Variants in SLC2A9 observed in about 807,000 individuals in gnomAD.
The protein encoded by SLC2A9 is solute carrier family 2, facilitated glucose transporter member 9.
SLC2A9 carries 39 observed loss-of-function variants against 50.6 expected under a neutral mutation model. That is an observed-to-expected ratio of 0.77 (90% CI 0.60 to 1.01). The LOEUF is 1.01. SLC2A9 is among the 50% of genes least tolerant of loss of function. The pLI is 0.00. For synonymous variants in SLC2A9, 324 were observed against 276.9 expected (o/e 1.17, Z -1.69); for missense variants, 686 against 677.6 (o/e 1.01, Z -0.14).
Position 9,996,864 on chromosome 4 carries a change from G to C in SLC2A9, c.327C>G (p.Leu109=). Reference sequence around the variant, plus strand: ...CGAATATGGACACAGTCACAGACCAGAGCAAAGTCAGAGTGTCTGGGTCTA... The same window carrying C: ...CGAATATGGACACAGTCACAGACCACAGCAAAGTCAGAGTGTCTGGGTCTA... ...RPIDPDTLTL[L]WSVTVSIFAI... is the part of the protein sequence containing the mutation. Residue 109 remains leucine, a synonymous_variant, in exon 3 of 12, where the codon CTC becomes CTG. Transcript: ENST00000264784. 6.2e-7 allele frequency: 1 copy of C among 1,614,206 alleles called. No homozygotes were observed. Among genetic ancestry groups the C allele is most frequent in the South Asian group, 1.1e-5 (1 of 91,082 alleles).
intron 3 of SLC2A9, among the ~76,000 whole-genome samples, chr4:9,790,652 C>T (rs559720145): frequency 9.2e-5 from 14 of 152,266 alleles, no homozygotes; most frequent in Middle Eastern, 3.4e-3. Flanking sequence ...TGGGTCTCTC[C>T]GTAGCCCCTA....
intron 3 of SLC2A9, among the ~76,000 whole-genome samples, chr4:9,786,115 T>C (rs757437795): frequency 6.6e-6 from 1 of 152,186 alleles, no homozygotes; most frequent in Non-Finnish European, 1.5e-5. Context: ...AAGAGCGTCA[T>C]AGGATTAATG....
chr4:9,821,171 A>G (rs1307577037), intron 3 of SLC2A9, among the ~76,000 whole-genome samples: 2 of 152,188 alleles, frequency 1.3e-5, no homozygotes. Context: ...TTTCCCCTGT[A>G]TCTATTGATA....
chr4:9,775,889 C>G (rs1717487941), downstream of SLC2A9, among the ~76,000 whole-genome samples: 1 of 152,226 alleles, frequency 6.6e-6, no homozygotes, highest in Admixed American at 6.5e-5. Flanking sequence ...TGGGCCTTCT[C>G]CATCTGTAGC....
chr4:9,915,476 T>A (rs1396843805), intron 7 of SLC2A9, among the ~76,000 whole-genome samples: 1 of 152,232 alleles, frequency 6.6e-6, no homozygotes, highest in Non-Finnish European at 1.5e-5. Flanking sequence ...CCTCAAGTGA[T>A]CTGCCCACCC....
intron 2 of SLC2A9, among the ~76,000 whole-genome samples, chr4:10,003,592 CGTT>C (rs1760247677): frequency 6.6e-6 from 1 of 152,144 alleles, no homozygotes; most frequent in South Asian, 2.1e-4. Flanking sequence ...GGCAACTGAA[CGTT>C]TGTCTTCCAG....
downstream of SLC2A9, among the ~76,000 whole-genome samples, chr4:9,824,723 G>A (rs1284546689): frequency 6.6e-6 from 1 of 152,138 alleles, no homozygotes; most frequent in Non-Finnish European, 1.5e-5. Flanking sequence ...CCTTGTCTAT[G>A]ATAGGTACCT....
At chr4:10,038,493 T>C (rs1259219517) in intron 1 of SLC2A9, among the ~76,000 whole-genome samples, 1 of 96,928 alleles carries the variant, frequency 1.0e-5, no homozygotes, top group Non-Finnish European at 1.8e-5. Flanking sequence ...GGTGACAGAG[T>C]AAGACTCTGT....
In SLC2A9 at chr4:10,039,027, T is replaced by C. The variant is rs373750598; in HGVS notation, c.-41+1103A>G. Among the ~76,000 whole-genome samples, 4 of 152,340 alleles carry C rather than the reference T, an allele frequency of 2.6e-5. No homozygotes were observed. In the South Asian group the frequency reaches 6.2e-4, roughly 24 times the overall value. On this transcript the variant is annotated intron_variant, in intron 1 of 12. Transcript: ENST00000309065. ...ACAATGGTTAAACAGATGTGCATGATTGTGTTCCAGTAAAGCTTTATTTTA... is the reference window on the plus strand; with the variant it reads ...ACAATGGTTAAACAGATGTGCATGACTGTGTTCCAGTAAAGCTTTATTTTA...
intron 5 of SLC2A9, among the ~76,000 whole-genome samples, chr4:9,972,416 C>T (rs890714295): frequency 2.0e-5 from 3 of 152,150 alleles, no homozygotes; most frequent in Non-Finnish European, 4.4e-5. Flanking sequence ...AAATGTTCAG[C>T]CATGACAATT....
intron 1 of SLC2A9, among the ~76,000 whole-genome samples, chr4:9,772,750 G>T (rs572492260): frequency 2.0e-5 from 3 of 152,154 alleles, no homozygotes; most frequent in Admixed American, 1.3e-4. Context: ...TTGCACTTTT[G>T]TAAGTACAGC....
chr4:9,968,740 A>G (rs921095759), intron 5 of SLC2A9, among the ~76,000 whole-genome samples: 12 of 152,224 alleles, frequency 7.9e-5, no homozygotes, highest in Admixed American at 5.2e-4. Flanking sequence ...AGGTGAACCA[A>G]TCACATAGAA....
chr4:9,948,120 A>AC (rs981407513), intron 5 of SLC2A9, among the ~76,000 whole-genome samples: 6 of 147,934 alleles, frequency 4.1e-5, no homozygotes, highest in Admixed American at 6.7e-5. Flanking sequence ...TCTAAACACC[A>AC]CCCCCCCACC....
intron 3 of SLC2A9, among the ~76,000 whole-genome samples, chr4:9,800,547 C>T (rs1012965828): frequency 1.3e-5 from 2 of 152,178 alleles, no homozygotes; most frequent in Non-Finnish European, 2.9e-5. Context: ...GACATCTATC[C>T]TCCAGAATTG....
At chr4:10,001,491 T>C (rs963353774) in intron 2 of SLC2A9, among the ~76,000 whole-genome samples, 1 of 152,204 alleles carries the variant, frequency 6.6e-6, no homozygotes, top group Non-Finnish European at 1.5e-5. Context: ...TCTAGAACTA[T>C]GGAATAACAC....
intron 5 of SLC2A9, among the ~76,000 whole-genome samples, chr4:9,965,176 T>C (rs1312759645): frequency 6.6e-6 from 1 of 152,168 alleles, no homozygotes; most frequent in Admixed American, 6.5e-5. Context: ...TTGGAGAGGT[T>C]AGCAACTTGC....
intron 10 of SLC2A9, among the ~76,000 whole-genome samples, chr4:9,850,609 C>G (rs758846539): frequency 6.6e-6 from 1 of 152,106 alleles, no homozygotes; most frequent in Non-Finnish European, 1.5e-5. Context: ...GTCAGACCAT[C>G]GAAGAACTCT....
chr4:9,950,689 CGAGACCA>C (rs1446366333), intron 5 of SLC2A9, among the ~76,000 whole-genome samples: 7,692 of 89,532 alleles, frequency 0.086, 1,412 homozygotes, highest in Middle Eastern at 0.17. Flanking sequence ...ATGGAGAGAT[CGAGACCA>C]TCCTGGCTAA....
rs150282122 is a variant in SLC2A9 at position 9,946,149 on chromosome 4, C to T, written c.682-4104G>A. Among the ~76,000 whole-genome samples the T allele has an allele frequency of 7.4e-4, 113 of 152,286 alleles. No individual in the cohort carries two copies. In the Middle Eastern group the frequency reaches 0.02, roughly 28 times the overall value. ...AACACAGGCAGAGTCTTTGCACCTGCTATTTCACTCAGGAGGAAAGAAAAG... is the reference window on the plus strand; with the variant it reads ...AACACAGGCAGAGTCTTTGCACCTGTTATTTCACTCAGGAGGAAAGAAAAG... On this transcript the variant is annotated intron_variant, in intron 5 of 11. Transcript: ENST00000264784.
Sources: gnomAD v4.1 joint callset for allele counts (sites outside exome capture counted in the v4.1 genomes callset) on GRCh38, gnomAD v4.1.1 for gene constraint, MANE v1.5 for transcripts, NCBI Gene and HGNC (gene_info 2026-07-23, HGNC 2026-07-21) for gene names.